BEND4: variants seen among roughly 807,000 people sequenced by gnomAD.
BEND4 encodes BEN domain containing 4.
In BEND4, 27 loss-of-function variants were observed where a neutral mutation model predicts 54.7. That is an observed-to-expected ratio of 0.49 (90% CI 0.36 to 0.68). The LOEUF (loss-of-function observed/expected upper bound fraction) is 0.68. Among genes scored for constraint, BEND4 ranks in the 30% least tolerant of loss-of-function variants. The probability of loss-of-function intolerance (pLI) is 0.00; values close to 1 mark genes in which losing one functional copy is unlikely to be tolerated. For missense variants in BEND4, 702 were observed against 697.2 expected, an observed-to-expected ratio of 1.01 and a Z score of -0.08; for synonymous variants, 327 against 299.5, an observed-to-expected ratio of 1.09 and a Z score of -0.95.
chr4:42,139,431 A>G (rs1168572257), intron 3 of BEND4, among the ~76,000 whole-genome samples: 1 of 151,562 alleles, frequency 6.6e-6, no homozygotes, highest in Non-Finnish European at 1.5e-5. Context: ...AGTGCCAGAA[A>G]TAGTGCCTGC....
At chr4:42,132,365 T>C (rs909898585) in intron 3 of BEND4, among the ~76,000 whole-genome samples, 3 of 152,216 alleles carry the variant, frequency 2.0e-5, no homozygotes, top group Admixed American at 2.0e-4. Flanking sequence ...CAGGGGATCG[T>C]TGAGGAGCTG....
At chr4:42,140,494 A>G (rs1388902235) in intron 3 of BEND4, among the ~76,000 whole-genome samples, 1 of 152,204 alleles carries the variant, frequency 6.6e-6, no homozygotes, top group African/African-American at 2.4e-5. Context: ...CAGTAATAGG[A>G]CTGATGATTA....
Position 42,117,835 on chromosome 4 carries a change from T to A in BEND4, c.1388-100A>T, listed in dbSNP as rs1719906642. On this transcript the variant is annotated intron_variant, in intron 5 of 5. Transcript: ENST00000502486. ...GCTGCTTAAACTTTAACAGAAGCTC[T>A]ATAAGAAAAGCTTTATGGGAAATCC... 6 of 754,946 alleles carry A rather than the reference T, an allele frequency of 7.9e-6. No individual in the cohort carries two copies. In the African/African-American group the frequency reaches 8.8e-5, roughly 11 times the overall value. The allele number at this position is 754,946 out of a possible 1,614,324, so 46.8% of individuals were successfully genotyped here.
rs1003735632 is a variant in BEND4, at chr4:42,115,038, A to G, written c.*2480T>C. The G allele has an allele frequency of 6.6e-6, 1 of 152,410 alleles. No individual in the cohort carries two copies. The highest frequency in any genetic ancestry group is 2.4e-5 in the African/African-American group (1 of 41,586). The allele number at this position is 152,410 out of a possible 1,614,324, so 9.4% of individuals were successfully genotyped here. A position where few individuals can be genotyped will look rare whatever the true frequency, so the allele number is the denominator to read the frequency against. On this transcript the variant is annotated 3_prime_UTR_variant, in exon 6 of 6. Coordinates refer to ENST00000502486, the MANE Select transcript of BEND4 (RefSeq NM_207406.4). ...AGTCGTAGGAACATTTCACTCAGGCAAAAGCTGTAGGTCCGAGACCCAGCA... is the reference window on the plus strand; with the variant it reads ...AGTCGTAGGAACATTTCACTCAGGCGAAAGCTGTAGGTCCGAGACCCAGCA...
At chr4:42,144,205 GTC>G in intron 2 of BEND4, 1 of 602,694 alleles carries the variant, frequency 1.7e-6, no homozygotes, top group South Asian at 2.0e-5. Context: ...GTCACACGCA[GTC>G]TCTTGCTCTA....
intron 4 of BEND4, among the ~76,000 whole-genome samples, chr4:42,120,654 G>A (rs924897866): frequency 6.6e-6 from 1 of 152,162 alleles, no homozygotes; most frequent in Admixed American, 6.5e-5. Flanking sequence ...ACTTTGAAGA[G>A]TGTGATCAAA....
chr4:42,122,037 G>A (rs1026186248), intron 4 of BEND4, among the ~76,000 whole-genome samples: 2 of 152,118 alleles, frequency 1.3e-5, no homozygotes, highest in South Asian at 2.1e-4. Context: ...CCGGGAGCGG[G>A]GGTGAAATCG....
intron 2 of BEND4, 100 bp downstream of exon 2, chr4:42,151,557 A>G: frequency 7.9e-7 from 1 of 1,271,112 alleles, no homozygotes; most frequent in South Asian, 1.8e-5. Flanking sequence ...GACACGGCCC[A>G]GCACGGGTAA....
chr4:42,136,292 G>A (rs1361578949), intron 3 of BEND4, among the ~76,000 whole-genome samples: 1 of 152,108 alleles, frequency 6.6e-6, no homozygotes, highest in East Asian at 1.9e-4. Flanking sequence ...CAAAATTCCT[G>A]TTATCCAAAA....
chr4:42,139,319 A>AG (rs1361333178), intron 3 of BEND4, among the ~76,000 whole-genome samples: 2 of 152,188 alleles, frequency 1.3e-5, no homozygotes, highest in Non-Finnish European at 2.9e-5. Context: ...CTGAAAAGTT[A>AG]GAGAGAATTT....
At chr4:42,130,239 G>C (rs1354402537) in intron 3 of BEND4, among the ~76,000 whole-genome samples, 2 of 152,292 alleles carry the variant, frequency 1.3e-5, no homozygotes, top group Non-Finnish European at 2.9e-5. Flanking sequence ...CCAGCACTTT[G>C]GGAGGCCGAG....
At chr4:42,123,694 G>GAAAAAAAAAAC (rs1720147616) in intron 4 of BEND4, among the ~76,000 whole-genome samples, 4 of 50,804 alleles carry the variant, frequency 7.9e-5, no homozygotes, top group African/African-American at 3.0e-4. Flanking sequence ...CTGTAATTCA[G>GAAAAAAAAAAC]AAAAAAAAAA....
At chr4:42,131,069 A>AG (rs978726220) in intron 3 of BEND4, among the ~76,000 whole-genome samples, 25 of 151,824 alleles carry the variant, frequency 1.6e-4, no homozygotes, top group Non-Finnish European at 2.9e-4. Flanking sequence ...CCTATTGGGG[A>AG]GGGGGGGCAG....
At chr4:42,149,227 C>CG (rs1721179732) in intron 2 of BEND4, among the ~76,000 whole-genome samples, 1 of 140,346 alleles carries the variant, frequency 7.1e-6, no homozygotes, top group Non-Finnish European at 1.5e-5. Flanking sequence ...TAAATGGCCA[C>CG]GGGTCTGTGC....
At position 42,151,652 on chromosome 4, in the gene BEND4, G is replaced by T; in HGVS notation, c.487+5C>A. On this transcript the variant is annotated splice_donor_5th_base_variant and intron_variant, in intron 2 of 5. Coordinates refer to ENST00000502486, the MANE Select transcript of BEND4 (RefSeq NM_207406.4). ...GGGAAGGAAAGTTGTGCGGAGAGTT[G>T]GTACCTGCGCTGAGCTCCAGGCTGG... The T allele has an allele frequency of 1.4e-6, 2 of 1,466,470 alleles. No homozygotes were observed. Among genetic ancestry groups the T allele is most frequent in the South Asian group, 1.4e-5 (1 of 73,518 alleles). 90.8% of individuals were successfully genotyped at this position (1,466,470 alleles called of 1,614,324 possible).
At chr4:42,131,896 G>C (rs551146704) in intron 3 of BEND4, among the ~76,000 whole-genome samples, 2 of 152,222 alleles carry the variant, frequency 1.3e-5, no homozygotes, top group Non-Finnish European at 2.9e-5. Context: ...CAGGGACCTT[G>C]AAGCACCCCC....
chr4:42,150,926 G>T (rs1440500360), intron 2 of BEND4: 1 of 152,286 alleles, frequency 6.6e-6, no homozygotes, highest in Non-Finnish European at 1.5e-5. Flanking sequence ...CGACGTGGGC[G>T]GTGGGAGCAG....
intron 4 of BEND4, among the ~76,000 whole-genome samples, chr4:42,121,117 T>C (rs909973264): frequency 6.6e-6 from 1 of 152,228 alleles, no homozygotes; most frequent in African/African-American, 2.4e-5. Flanking sequence ...ATCTTAGTTT[T>C]AATATACTCC....
intron 3 of BEND4, among the ~76,000 whole-genome samples, chr4:42,140,456 C>T (rs183876814): frequency 7.2e-5 from 11 of 152,198 alleles, no homozygotes; most frequent in Admixed American, 3.3e-4. Context: ...AGTTCGGGGA[C>T]GGGATTGTCA....
Sources: allele counts gnomAD v4.1 joint callset (sites outside exome capture counted in the v4.1 genomes callset), GRCh38; gene constraint gnomAD v4.1.1; transcripts MANE v1.5; gene names NCBI Gene and HGNC (gene_info 2026-07-23, HGNC 2026-07-21).